ABI1: variants seen among roughly 807,000 people sequenced by gnomAD.
ABI1 encodes the protein Abelson interactor 1.
A neutral mutation model predicts 54.6 loss-of-function variants in ABI1; 14 were observed. The ratio of observed to expected loss-of-function variants is 0.26; its 90% confidence interval spans 0.17 to 0.40. The LOEUF is 0.40. Ranked by LOEUF, ABI1 falls within the 10% of genes least tolerant of loss-of-function variation. ABI1 has a pLI of 1.00. For missense variants in ABI1, 443 were observed against 598.3 expected, an observed-to-expected ratio of 0.74 and a Z score of 2.71; for synonymous variants, 194 against 209.3, an observed-to-expected ratio of 0.93 and a Z score of 0.63.
chr10:26,841,977 T>C (rs1441592624), intron 1 of ABI1, among the ~76,000 whole-genome samples: 2 of 152,158 alleles, frequency 1.3e-5, no homozygotes, highest in African/African-American at 2.4e-5. Context: ...CATATAGTAC[T>C]TCTATTTTTC....
At chr10:26,809,051 C>A (rs2047054979) in intron 2 of ABI1, among the ~76,000 whole-genome samples, 1 of 152,026 alleles carries the variant, frequency 6.6e-6, no homozygotes, top group South Asian at 2.1e-4. Context: ...AGGCGGATCA[C>A]CTGAGGTCAG....
chr10:26,763,828 T>C, intron 7 of ABI1: 2 of 1,493,996 alleles, frequency 1.3e-6, no homozygotes, highest in South Asian at 1.1e-5. Context: ...GAGGAGTTTA[T>C]TATGAATTAT....
At chr10:26,811,130 G>GT (rs758374679) in intron 2 of ABI1, among the ~76,000 whole-genome samples, 9 of 152,118 alleles carry the variant, frequency 5.9e-5, no homozygotes, top group Non-Finnish European at 1.2e-4. Context: ...TAAGCTCATA[G>GT]TAGTACCAGG....
At chr10:26,758,971 G>T in intron 8 of ABI1, 91 bp downstream of exon 8, 3 of 1,247,138 alleles carry the variant, frequency 2.4e-6, no homozygotes, top group Non-Finnish European at 3.4e-6. Context: ...GTTTTCAATT[G>T]TTGTCTATCA....
At chr10:26,848,501 A>G (rs2050155704) in intron 1 of ABI1, among the ~76,000 whole-genome samples, 1 of 152,122 alleles carries the variant, frequency 6.6e-6, no homozygotes, top group Admixed American at 6.6e-5. Context: ...TTAGCAGCAA[A>G]TCAGTTTCAA....
chr10:26,790,451 T>C (rs1347339519), intron 2 of ABI1: 1 of 152,200 alleles, frequency 6.6e-6, no homozygotes, highest in Non-Finnish European at 1.5e-5. Flanking sequence ...GTGTCTGTTC[T>C]CTGTTCAAGT....
chr10:26,826,587 G>A (rs923452891), intron 1 of ABI1, among the ~76,000 whole-genome samples: 2 of 152,312 alleles, frequency 1.3e-5, no homozygotes, highest in East Asian at 1.9e-4. Flanking sequence ...CTCTCTCCCT[G>A]TAAAAGCCCT....
intron 1 of ABI1, among the ~76,000 whole-genome samples, chr10:26,832,132 T>C (rs1358016710): frequency 6.6e-6 from 1 of 152,178 alleles, no homozygotes; most frequent in East Asian, 1.9e-4. Flanking sequence ...ATGACAAATA[T>C]GCCATGACCG....
chr10:26,827,909 A>G (rs1287883354), intron 1 of ABI1, among the ~76,000 whole-genome samples: 3 of 152,070 alleles, frequency 2.0e-5, no homozygotes, highest in South Asian at 4.1e-4. Context: ...TCTCTTTCTT[A>G]TGATTCATGT....
chr10:26,795,611 C>A (rs1844054615), intron 2 of ABI1, among the ~76,000 whole-genome samples: 1 of 151,266 alleles, frequency 6.6e-6, no homozygotes, highest in Admixed American at 6.6e-5. Context: ...ACACAATAAC[C>A]CAGATGAAAA....
In ABI1 at chr10:26,795,932, C is replaced by T. The variant is rs534540010; in HGVS notation, c.286-18691G>A. Among the ~76,000 whole-genome samples, 4 of 152,192 alleles carry T rather than the reference C, an allele frequency of 2.6e-5. 1 individual carries two copies. Among genetic ancestry groups the T allele is most frequent in the Admixed American group, 2.6e-4 (4 of 15,288 alleles). ...ACAGAGCCACAAAAATCCTAAATAACCAAGGCAATACGGAGAAACTCCAGC... is the reference window on the plus strand; with the variant it reads ...ACAGAGCCACAAAAATCCTAAATAATCAAGGCAATACGGAGAAACTCCAGC... On this transcript the variant is annotated intron_variant, in intron 2 of 10. Transcript: ENST00000376140.
rs34202054 is a variant in ABI1 at position 26,817,013 on chromosome 10, T to TGC, written c.285+6124_285+6125insGC. Among the ~76,000 whole-genome samples the TGC allele has an allele frequency of 4.8e-4, 72 of 149,364 alleles. 1 individual carries two copies. The South Asian group carries it at 7.8e-3, about 16-fold the overall frequency. On this transcript the variant is annotated intron_variant, in intron 2 of 10. Coordinates refer to ENST00000376140, the MANE Select transcript of ABI1 (RefSeq NM_001012750.3). ...GTGTGTGTGTGTGTGTGTGTGTGTG[T>TGC]GTGTGTGACGGAGTCTTACTCTGTC...
At chr10:26,772,248 T>TATA (rs1840783045) in intron 3 of ABI1, among the ~76,000 whole-genome samples, 1 of 151,910 alleles carries the variant, frequency 6.6e-6, no homozygotes, top group Admixed American at 6.5e-5. Flanking sequence ...AAATTTTGAG[T>TATA]ATAACATTAT....
chr10:26,782,128 C>G (rs11015282), intron 2 of ABI1, among the ~76,000 whole-genome samples: 10,316 of 152,224 alleles, frequency 0.068, 390 homozygotes, highest in East Asian at 0.14. Flanking sequence ...TCTGGTACTG[C>G]TATTCCAGTT....
intron 1 of ABI1, among the ~76,000 whole-genome samples, chr10:26,824,775 T>G (rs554299268): frequency 6.6e-6 from 1 of 152,066 alleles, no homozygotes; most frequent in African/African-American, 2.4e-5. Context: ...GGACAGTAGA[T>G]AGAATCCCTT....
intron 1 of ABI1, among the ~76,000 whole-genome samples, chr10:26,841,436 A>C (rs1169646780): frequency 6.8e-6 from 1 of 146,662 alleles, no homozygotes; most frequent in African/African-American, 2.5e-5. Flanking sequence ...TGTGGCAAGG[A>C]CAGCTAAAAA....
chr10:26,821,954 T>A (rs1459639957), intron 2 of ABI1, among the ~76,000 whole-genome samples: 1 of 152,016 alleles, frequency 6.6e-6, no homozygotes, highest in South Asian at 2.1e-4. Context: ...CAAAGGAAAT[T>A]AAATATGTAG....
intron 2 of ABI1, among the ~76,000 whole-genome samples, chr10:26,789,622 GT>G (rs947954048): frequency 6.9e-5 from 10 of 144,782 alleles, no homozygotes; most frequent in Non-Finnish European, 2.9e-5. Context: ...AATATTTTAT[GT>G]TTTTTTTAAC....
chr10:26,830,325 T>C (rs967184805), intron 1 of ABI1, among the ~76,000 whole-genome samples: 1 of 152,162 alleles, frequency 6.6e-6, no homozygotes, highest in African/African-American at 2.4e-5. Context: ...ATATTTAACA[T>C]TGTAAGAAAC....
Sources: gnomAD v4.1 joint callset for allele counts (sites outside exome capture counted in the v4.1 genomes callset) on GRCh38, gnomAD v4.1.1 for gene constraint, MANE v1.5 for transcripts, NCBI Gene and HGNC (gene_info 2026-07-23, HGNC 2026-07-21) for gene names.